The following ST6GALNAC5 variants were observed in gnomAD, a reference collection of about 807,000 sequenced individuals.
ST6GALNAC5 encodes the protein ST6 N-acetylgalactosaminide alpha-2,6-sialyltransferase 5, also known as alpha-N-acetylgalactosaminide alpha-2,6-sialyltransferase 5.
A neutral mutation model predicts 33.6 loss-of-function variants in ST6GALNAC5; 27 were observed. The ratio of observed to expected loss-of-function variants is 0.80; its 90% CI spans 0.59 to 1.11. ST6GALNAC5 has a LOEUF of 1.11. Among genes scored for constraint, ST6GALNAC5 ranks in the 50% least tolerant of loss-of-function variants. The probability of loss-of-function intolerance (pLI) is 0.00; values close to 1 mark genes in which losing one functional copy is unlikely to be tolerated. For missense variants in ST6GALNAC5, 428 were observed against 454.0 expected (o/e 0.94, Z 0.52); for synonymous variants, 194 against 171.2 (o/e 1.13, Z -1.04).
chr1:76,932,325 A>G (rs190743802), intron 2 of ST6GALNAC5, among the ~76,000 whole-genome samples: 1 of 152,234 alleles, frequency 6.6e-6, no homozygotes, highest in Non-Finnish European at 1.5e-5. Context: ...GATGGAATAG[A>G]ATACATCTTT....
intron 2 of ST6GALNAC5, among the ~76,000 whole-genome samples, chr1:76,942,279 G>C (rs558470752): frequency 9.2e-5 from 14 of 152,158 alleles, no homozygotes; most frequent in Admixed American, 7.2e-4. Context: ...CCTGAAATTG[G>C]TTTTAGTTAT....
intron 2 of ST6GALNAC5, among the ~76,000 whole-genome samples, chr1:76,915,706 G>A (rs1269004): frequency 6.7e-6 from 1 of 148,328 alleles, no homozygotes; most frequent in African/African-American, 2.5e-5. Context: ...GGTGAGGGGA[G>A]GGGGGAGGGA....
intron 4 of ST6GALNAC5, among the ~76,000 whole-genome samples, chr1:77,061,864 T>A (rs1053713280): frequency 6.6e-6 from 1 of 152,098 alleles, no homozygotes; most frequent in Non-Finnish European, 1.5e-5. Context: ...GACAGAGATA[T>A]AGAGGCAGAA....
intron 2 of ST6GALNAC5, among the ~76,000 whole-genome samples, chr1:76,970,820 G>T (rs1001703589): frequency 1.8e-4 from 27 of 152,234 alleles, no homozygotes; most frequent in Admixed American, 5.9e-4. Flanking sequence ...GCATGTAGCT[G>T]GGGTCTGTTC....
chr1:77,016,171 C>CTAT (rs1557762268), intron 2 of ST6GALNAC5, among the ~76,000 whole-genome samples: 1 of 470 alleles, frequency 2.1e-3, no homozygotes, highest in African/African-American at 7.9e-3. Context: ...TCCTCCTCCT[C>CTAT]CTGTCCTCCC....
At chr1:77,011,258 G>A (rs926035933) in intron 2 of ST6GALNAC5, among the ~76,000 whole-genome samples, 2 of 152,132 alleles carry the variant, frequency 1.3e-5, no homozygotes, top group Admixed American at 6.5e-5. Context: ...ATGTAGAAAC[G>A]GTCTTGTTTT....
At chr1:77,044,894 A>G (rs1451797151) in intron 3 of ST6GALNAC5, among the ~76,000 whole-genome samples, 2 of 152,242 alleles carry the variant, frequency 1.3e-5, no homozygotes, top group Non-Finnish European at 2.9e-5. Flanking sequence ...TTAAAAGTGC[A>G]GTATAACAGC....
At chr1:76,920,178 A>G (rs1004828341) in intron 2 of ST6GALNAC5, among the ~76,000 whole-genome samples, 2 of 152,198 alleles carry the variant, frequency 1.3e-5, no homozygotes, top group Non-Finnish European at 2.9e-5. Context: ...AGTATCTTAG[A>G]ACAGCTTCTC....
chr1:76,914,560 T>C (rs1646949426), intron 2 of ST6GALNAC5, among the ~76,000 whole-genome samples: 1 of 152,192 alleles, frequency 6.6e-6, no homozygotes, highest in Non-Finnish European at 1.5e-5. Flanking sequence ...ATCTGATCTT[T>C]GACAAACCTG....
intron 2 of ST6GALNAC5, among the ~76,000 whole-genome samples, chr1:76,914,638 A>T (rs1646950282): frequency 6.6e-6 from 1 of 152,224 alleles, no homozygotes; most frequent in Non-Finnish European, 1.5e-5. Flanking sequence ...GGCTAGCCAT[A>T]TGTAGACAGC....
chr1:76,972,259 A>C (rs1648789892), intron 2 of ST6GALNAC5, among the ~76,000 whole-genome samples: 1 of 152,138 alleles, frequency 6.6e-6, no homozygotes, highest in Non-Finnish European at 1.5e-5. Flanking sequence ...TGTGAGACTT[A>C]TTCACTATCA....
At chr1:76,952,924 G>C (rs1424614724) in intron 2 of ST6GALNAC5, among the ~76,000 whole-genome samples, 4 of 151,960 alleles carry the variant, frequency 2.6e-5, no homozygotes, top group African/African-American at 9.7e-5. Context: ...TTTCCAGAAT[G>C]TTATAAATAT....
intron 2 of ST6GALNAC5, among the ~76,000 whole-genome samples, chr1:77,033,516 G>T (rs1435602738): frequency 6.6e-6 from 1 of 152,228 alleles, no homozygotes; most frequent in Non-Finnish European, 1.5e-5. Flanking sequence ...TCTTGGGGCT[G>T]TCTTCAGGAC....
chr1:76,982,612 T>C (rs1264078720), intron 2 of ST6GALNAC5, among the ~76,000 whole-genome samples: 1 of 152,138 alleles, frequency 6.6e-6, no homozygotes, highest in African/African-American at 2.4e-5. Flanking sequence ...CAGGAGAACT[T>C]CCCTAACCTA....
At chr1:76,970,082 C>A (rs935536282) in intron 2 of ST6GALNAC5, among the ~76,000 whole-genome samples, 2 of 151,898 alleles carry the variant, frequency 1.3e-5, no homozygotes, top group African/African-American at 4.8e-5. Flanking sequence ...TAGAGAAAAC[C>A]AAAAAGATGA....
At chr1:76,975,479 G>A (rs556392761) in intron 2 of ST6GALNAC5, among the ~76,000 whole-genome samples, 3 of 152,252 alleles carry the variant, frequency 2.0e-5, no homozygotes, top group Admixed American at 6.5e-5. Context: ...AGCATTATAC[G>A]TTCAAAAATT....
chr1:77,043,310 C>T (rs1410665876), intron 2 of ST6GALNAC5, among the ~76,000 whole-genome samples: 1 of 152,186 alleles, frequency 6.6e-6, no homozygotes, highest in Non-Finnish European at 1.5e-5. Flanking sequence ...TTTGTTAGGA[C>T]GTAGGTGTTT....
intron 2 of ST6GALNAC5, among the ~76,000 whole-genome samples, chr1:77,028,451 T>C (rs1000297551): frequency 6.6e-6 from 1 of 151,898 alleles, no homozygotes; most frequent in Non-Finnish European, 1.5e-5. Flanking sequence ...GTCCTTCAAG[T>C]GACACATGAA....
At chr1:76,969,069 G>A (rs1194471656) in intron 2 of ST6GALNAC5, among the ~76,000 whole-genome samples, 2 of 151,856 alleles carry the variant, frequency 1.3e-5, no homozygotes, top group Non-Finnish European at 2.9e-5. Flanking sequence ...TGGCCAAATA[G>A]GAACAGCTCC....
Sources: allele counts gnomAD v4.1 joint callset (sites outside exome capture counted in the v4.1 genomes callset), GRCh38; gene constraint gnomAD v4.1.1; transcripts MANE v1.5; gene names NCBI Gene and HGNC (gene_info 2026-07-23, HGNC 2026-07-21).